Variants in NFAT5 observed in about 807,000 individuals in gnomAD.
The protein encoded by NFAT5 is nuclear factor of activated T cells 5, also known as nuclear factor of activated T-cells 5.
NFAT5 carries 31 observed loss-of-function variants against 166.5 expected under a neutral mutation model. That is an observed-to-expected ratio of 0.19 (90% CI 0.14 to 0.25). The LOEUF is 0.25. NFAT5 is among the 10% of genes least tolerant of loss of function. The probability of loss-of-function intolerance (pLI) is 1.00; values close to 1 mark genes in which losing one functional copy is unlikely to be tolerated. For synonymous variants in NFAT5, 612 were observed against 639.7 expected (o/e 0.96, Z 0.65); for missense variants, 1,449 against 1,821.8 (o/e 0.80, Z 3.72).
chr16:69,610,761 A>T (rs1375312946), intron 2 of NFAT5, among the ~76,000 whole-genome samples: 1 of 152,204 alleles, frequency 6.6e-6, no homozygotes, highest in Non-Finnish European at 1.5e-5. Context: ...TTTTAATGTG[A>T]ATTTTAGATT....
At chr16:69,629,940 AT>A (rs536349270) in intron 3 of NFAT5, among the ~76,000 whole-genome samples, 1,736 of 138,586 alleles carry the variant, frequency 0.013, 19 homozygotes, top group African/African-American at 0.033. Context: ...GACCTGGGTA[AT>A]TTTTTTTTTT....
In NFAT5 at chr16:69,662,486, T is replaced by C. The variant is rs1332766598; in HGVS notation, c.1369+2587T>C. On this transcript the variant is annotated intron_variant, in intron 7 of 14. Transcript: ENST00000349945. ...TTTTTTTTTTTTTTGAGACGGAGTC[T>C]CGCTCTGTTGCCCAGGCTGAAGTGC... Among the ~76,000 whole-genome samples, 4 of 133,096 alleles carry C rather than the reference T, an allele frequency of 3.0e-5. No individual in the cohort carries two copies. The East Asian group carries it at 9.4e-4, about 31-fold the overall frequency. The allele number at this position is 133,096 out of a possible 152,430, so 87.3% of individuals were successfully genotyped here.
chr16:69,606,173 C>T (rs573454137), intron 2 of NFAT5, among the ~76,000 whole-genome samples: 2 of 152,286 alleles, frequency 1.3e-5, no homozygotes, highest in South Asian at 2.1e-4. Context: ...TCACTGTTCT[C>T]GTCTTTAACC....
chr16:69,680,387 T>C (rs933708712), intron 10 of NFAT5, among the ~76,000 whole-genome samples: 1 of 152,196 alleles, frequency 6.6e-6, no homozygotes, highest in African/African-American at 2.4e-5. Context: ...TTTTTATTGA[T>C]ATGAGACTTC....
chr16:69,614,420 A>G (rs1446816643), intron 2 of NFAT5, among the ~76,000 whole-genome samples: 1 of 152,242 alleles, frequency 6.6e-6, no homozygotes, highest in Non-Finnish European at 1.5e-5. Context: ...ATCTTATAAT[A>G]TGAAGCTACA....
intron 6 of NFAT5, 28 bp downstream of exon 6, chr16:69,655,827 A>G (rs2035852138): frequency 2.5e-6 from 4 of 1,578,746 alleles, no homozygotes; most frequent in Non-Finnish European, 3.5e-6. Flanking sequence ...ATTTTTCATT[A>G]TACATTACAC....
chr16:69,579,974 G>A (rs1161297590), intron 2 of NFAT5, among the ~76,000 whole-genome samples: 3 of 152,170 alleles, frequency 2.0e-5, no homozygotes. Flanking sequence ...AGTGCTATAT[G>A]AGTGCTTCTT....
intron 10 of NFAT5, among the ~76,000 whole-genome samples, chr16:69,680,176 T>A (rs1450242088): frequency 6.6e-6 from 1 of 152,204 alleles, no homozygotes; most frequent in Non-Finnish European, 1.5e-5. Flanking sequence ...TGATAGTTAC[T>A]AAATATTGAC....
chr16:69,670,307 T>C lies in NFAT5; in HGVS notation c.1557+19T>C. On this transcript the variant is annotated intron_variant, in intron 9 of 14. Transcript: ENST00000349945. The stretch of plus-strand genomic sequence containing the variant: ...TCATCAGGTAAAATTTAAGCTTTTT[T>C]TATAATTTGGTTATTTACTCTCTGA... The C allele has an allele frequency of 2.2e-5, 33 of 1,526,170 alleles. No individual in the cohort carries two copies. The highest frequency in any genetic ancestry group is 3.0e-5 in the Non-Finnish European group (33 of 1,117,230). 94.5% of individuals were successfully genotyped at this position (1,526,170 alleles called of 1,614,324 possible).
chr16:69,607,053 A>G (rs1267459964), intron 2 of NFAT5, among the ~76,000 whole-genome samples: 1 of 152,148 alleles, frequency 6.6e-6, no homozygotes, highest in Non-Finnish European at 1.5e-5. Flanking sequence ...GCTCCAATTA[A>G]TATATTAATA....
Position 69,702,365 on chromosome 16 carries a change from T to C in NFAT5, c.*6014T>C, listed in dbSNP as rs2037912498. 1 of 152,516 alleles carries C rather than the reference T, an allele frequency of 6.6e-6. No homozygotes were observed. The highest frequency in any genetic ancestry group is 2.4e-5 in the African/African-American group (1 of 41,472). 9.4% of individuals were successfully genotyped at this position (152,516 alleles called of 1,614,324 possible). ...ATTTACTTATAAGGGGAAATAATTA[T>C]GCTTTAGCACATCATTTTAGAAACG... On this transcript the variant is annotated 3_prime_UTR_variant, in exon 15 of 15. Coordinates refer to ENST00000349945, the MANE Select transcript of NFAT5 (RefSeq NM_138713.4).
chr16:69,661,378 A>AT (rs1235911439), intron 7 of NFAT5, among the ~76,000 whole-genome samples: 6 of 147,040 alleles, frequency 4.1e-5, no homozygotes, highest in African/African-American at 1.6e-4. Context: ...CTTTACAAAA[A>AT]TTAAAAAAAA....
At chr16:69,667,343 A>T (rs557575184) in intron 7 of NFAT5, among the ~76,000 whole-genome samples, 2 of 152,290 alleles carry the variant, frequency 1.3e-5, no homozygotes, top group East Asian at 1.9e-4. Flanking sequence ...TTTAAAAAAA[A>T]AACTTTACAA....
chr16:69,582,147 C>A (rs1374076401), intron 2 of NFAT5, among the ~76,000 whole-genome samples: 3 of 152,026 alleles, frequency 2.0e-5, no homozygotes, highest in Non-Finnish European at 2.9e-5. Flanking sequence ...TGCTTGTAAT[C>A]CCAGCTGCTC....
chr16:69,618,551 G>A (rs993092596), intron 2 of NFAT5, among the ~76,000 whole-genome samples: 7 of 152,216 alleles, frequency 4.6e-5, no homozygotes. Flanking sequence ...AATGCAGAAC[G>A]ATGTTGGCAC....
chr16:69,576,096 A>C (rs1227702954), intron 2 of NFAT5, among the ~76,000 whole-genome samples: 1 of 151,630 alleles, frequency 6.6e-6, no homozygotes, highest in Non-Finnish European at 1.5e-5. Context: ...AGGTCAGGAG[A>C]TCAAGATCAT....
intron 11 of NFAT5, among the ~76,000 whole-genome samples, chr16:69,687,290 A>C (rs1142102): frequency 6.6e-6 from 1 of 152,138 alleles, no homozygotes; most frequent in Non-Finnish European, 1.5e-5. Flanking sequence ...AAAATAAAAA[A>C]ATTAGCTGGG....
At chr16:69,620,197 G>A (rs1597412331) in intron 2 of NFAT5, among the ~76,000 whole-genome samples, 1 of 152,144 alleles carries the variant, frequency 6.6e-6, no homozygotes, top group African/African-American at 2.4e-5. Context: ...GCACCAGCAT[G>A]GGACAGATTC....
At chr16:69,568,869 C>T (rs1206080468) in intron 2 of NFAT5, among the ~76,000 whole-genome samples, 1 of 152,136 alleles carries the variant, frequency 6.6e-6, no homozygotes, top group East Asian at 1.9e-4. Context: ...AAGGCCCAAA[C>T]ATTAACATGA....
Sources: allele counts gnomAD v4.1 joint callset (sites outside exome capture counted in the v4.1 genomes callset), GRCh38; gene constraint gnomAD v4.1.1; transcripts MANE v1.5; gene names NCBI Gene and HGNC (gene_info 2026-07-23, HGNC 2026-07-21).